Variants in CISH observed in about 807,000 individuals in gnomAD.
CISH encodes cytokine-inducible SH2-containing protein.
CISH carries 11 observed loss-of-function variants against 21.3 expected under a neutral mutation model. The ratio of observed to expected loss-of-function variants is 0.52; its 90% CI spans 0.32 to 0.85. The LOEUF (loss-of-function observed/expected upper bound fraction) is 0.85, where lower values mean the gene tolerates loss of function less well. Among genes scored for constraint, CISH ranks in the 40% least tolerant of loss-of-function variants. The pLI, the probability that CISH is intolerant of heterozygous loss-of-function variation, is 0.03. For missense variants in CISH, 280 were observed against 351.7 expected (o/e 0.80, Z 1.63); for synonymous variants, 118 against 142.3 (o/e 0.83, Z 1.22).
At chr3:50,608,204 T>G (rs621975) in intron 2 of CISH, 62 bp from the exon 3 acceptor site, 1,542,490 of 1,555,924 alleles carry the variant, frequency 0.99, 765,499 homozygotes, top group East Asian at 1. Context: ...ACCAATCCAG[T>G]GCAAGTCAAG....
intron 1 of CISH, 97 bp downstream of exon 1, chr3:50,611,534 C>G: frequency 4.0e-6 from 6 of 1,515,146 alleles, no homozygotes; most frequent in Non-Finnish European, 5.3e-6. Context: ...ACCTCTGGCC[C>G]GTCAAGCCCT....
At position 50,607,107 on chromosome 3, in the gene CISH, A is replaced by C. The variant is rs2032173465; in HGVS notation, c.*500T>G. ...GACACCAACCCCAAGGAGAATAAAT[A>C]AATAAATAGTGTATAATTGTGCAGT... is the stretch of plus-strand genomic sequence containing the variant. On this transcript the variant is annotated 3_prime_UTR_variant, in exon 3 of 3. Coordinates refer to ENST00000348721, the MANE Select transcript of CISH (RefSeq NM_145071.4). 1 of 155,934 alleles carries C rather than the reference A, an allele frequency of 6.4e-6. No individual in the cohort carries two copies. The highest frequency in any genetic ancestry group is 1.4e-5 in the Non-Finnish European group (1 of 70,220). The allele number at this position is 155,934 out of a possible 1,614,324, so 9.7% of individuals were successfully genotyped here.
intron 1 of CISH, chr3:50,610,563 C>A: frequency 1.3e-6 from 2 of 1,506,886 alleles, no homozygotes; most frequent in Non-Finnish European, 8.9e-7. Context: ...TATGGGACCC[C>A]GGAATGCAGG....
At chr3:50,610,074 C>T (rs567503730) in intron 1 of CISH, 2 of 436,868 alleles carry the variant, frequency 4.6e-6, no homozygotes, top group East Asian at 4.1e-5. Flanking sequence ...TGGCACACCA[C>T]AGCCTGACAA....
At chr3:50,608,303 C>T in intron 2 of CISH, 70 bp downstream of exon 2, 1 of 1,494,144 alleles carries the variant, frequency 6.7e-7, no homozygotes. Flanking sequence ...CCAAATCAGA[C>T]TCAAAGGCAG....
In CISH at chr3:50,608,357, C is replaced by T. The variant is rs746566483; in HGVS notation, c.241+16G>A. On this transcript the variant is annotated intron_variant, in intron 2 of 2. Transcript: ENST00000348721. ...AGACTACTCAGGAAAAGGCCTGCCT[C>T]CCCCCTCAGACTCACCAGATTCCCG... The T allele has an allele frequency of 8.9e-6, 14 of 1,578,380 alleles. No individual in the cohort carries two copies. Among genetic ancestry groups the T allele is most frequent in the Non-Finnish European group, 1.2e-5 (14 of 1,162,042 alleles).
chr3:50,607,846 G>T lies in CISH; in HGVS notation c.538C>A (p.Pro180Thr). 2 of 1,613,860 alleles carry T rather than the reference G, an allele frequency of 1.2e-6. No homozygotes were observed. The highest frequency in any genetic ancestry group is 1.7e-6 in the Non-Finnish European group (2 of 1,180,006). Residue 180 changes from proline (P) to threonine (T), a missense_variant, in exon 3 of 3, where the codon CCC (proline) becomes ACC (threonine). Physicochemically the swap from Pro to Thr is conservative, Grantham distance 38 (BLOSUM62 -1). Coordinates refer to ENST00000348721, the MANE Select transcript of CISH (RefSeq NM_145071.4). ...DTRSDSPDPA[P>T]TPALPMPKED... ...TTAGGCATAGGCAGGGCCGGGGTGGGAGCAGGATCGGGGCTGTCGCTTCGG... is the reference window on the plus strand; with the variant it reads ...TTAGGCATAGGCAGGGCCGGGGTGGTAGCAGGATCGGGGCTGTCGCTTCGG...
Position 50,608,366 on chromosome 3 carries a change from G to C in CISH, c.241+7C>G. 6.3e-7 allele frequency: 1 copy of C among 1,593,520 alleles called. No homozygotes were observed. Among genetic ancestry groups the C allele is most frequent in the Non-Finnish European group, 8.5e-7 (1 of 1,169,756 alleles). On this transcript the variant is annotated splice_region_variant and intron_variant, in intron 2 of 2. Transcript: ENST00000348721. Reference sequence around the variant, plus strand: ...AGGAAAAGGCCTGCCTCCCCCCTCAGACTCACCAGATTCCCGAAGGTAGGA... The same window carrying C: ...AGGAAAAGGCCTGCCTCCCCCCTCACACTCACCAGATTCCCGAAGGTAGGA...
rs622502 is a variant in CISH, at chr3:50,608,362, C to A, written c.241+11G>T. ...ACTCAGGAAAAGGCCTGCCTCCCCC[C>A]TCAGACTCACCAGATTCCCGAAGGT... On this transcript the variant is annotated intron_variant, in intron 2 of 2. Coordinates refer to ENST00000348721, the MANE Select transcript of CISH (RefSeq NM_145071.4). 4.5e-4 allele frequency: 719 copies of A among 1,587,224 alleles called. 9 individuals carry two copies. The East Asian group carries it at 0.015, about 34-fold the overall frequency.
At chr3:50,611,523 C>CCT (rs2032325429) in intron 1 of CISH, 108 bp downstream of exon 1, 2 of 1,503,118 alleles carry the variant, frequency 1.3e-6, no homozygotes, top group Non-Finnish European at 1.8e-6. Context: ...TGCGCTCAGT[C>CCT]ACCTCTGGCC....
Position 50,611,738 on chromosome 3 carries a change from G to A in CISH, c.-88C>T. 1 of 1,400,176 alleles carries A rather than the reference G, an allele frequency of 7.1e-7. No homozygotes were observed. Among genetic ancestry groups the A allele is most frequent in the South Asian group, 1.6e-5 (1 of 63,744 alleles). 86.7% of individuals were successfully genotyped at this position (1,400,176 alleles called of 1,614,324 possible). ...CCAGTGGGCGCGGAGCGCGTGCTGG[G>A]TAGGCTCCCGGGGCGCGCGGGCGCA... is the stretch of plus-strand genomic sequence containing the variant. On this transcript the variant is annotated 5_prime_UTR_variant, in exon 1 of 3. Transcript: ENST00000348721.
Position 50,607,794 on chromosome 3 carries a change from A to G in CISH, c.590T>C (p.Leu197Pro), listed in dbSNP as rs141201807. 6.2e-6 allele frequency: 10 copies of G among 1,613,750 alleles called. No individual in the cohort carries two copies. In the African/African-American group the frequency reaches 1.2e-4, roughly 19 times the overall value. The change falls in exon 3 of 3, where the codon CTG becomes CCG. Residue 197 changes from leucine (L) to proline (P), a missense_variant. Physicochemically the swap from Leu to Pro is moderately conservative, Grantham distance 98. Transcript: ENST00000348721. ...AGCAGTGGCTGGTGGAGGAGCAGGCAGTGCTGGGTCACTAGGCGCATCCTC... is the reference window on the plus strand; with the variant it reads ...AGCAGTGGCTGGTGGAGGAGCAGGCGGTGCTGGGTCACTAGGCGCATCCTC... ...PKEDAPSDPA[L>P]PAPPPATAVH...
At chr3:50,611,557 C>G (rs947910510) in intron 1 of CISH, 74 bp downstream of exon 1, 4 of 1,523,184 alleles carry the variant, frequency 2.6e-6, no homozygotes, top group Non-Finnish European at 3.5e-6. Context: ...CAATGCCCGG[C>G]AGCTAGCACG....
Position 50,608,368 on chromosome 3 carries a change from C to A in CISH, c.241+5G>T. ...GAAAAGGCCTGCCTCCCCCCTCAGA[C>A]TCACCAGATTCCCGAAGGTAGGAGA... is the stretch of plus-strand genomic sequence containing the variant. On this transcript the variant is annotated splice_donor_5th_base_variant and intron_variant, in intron 2 of 2. Coordinates refer to ENST00000348721, the MANE Select transcript of CISH (RefSeq NM_145071.4). 6.3e-7 allele frequency: 1 copy of A among 1,594,158 alleles called. No individual in the cohort carries two copies. Among genetic ancestry groups the A allele is most frequent in the Non-Finnish European group, 8.5e-7 (1 of 1,170,200 alleles).
At chr3:50,610,463 CGCA>C in intron 1 of CISH, 1 of 1,551,408 alleles carries the variant, frequency 6.4e-7, no homozygotes, top group Non-Finnish European at 8.7e-7. Flanking sequence ...CGCTTTGGAG[CGCA>C]GCAGTCTAAA....
intron 1 of CISH, chr3:50,611,376 GAGCCCACCCTGTGAGTTCCTCCTTT>G (rs1362990114): frequency 7.4e-7 from 1 of 1,354,028 alleles, no homozygotes; most frequent in Non-Finnish European, 9.4e-7. Context: ...AACCCAGGCT[GAGCCCACCCTGTGAGTTCCTCCTTT>G]AGCCGGCCAG....
In CISH at chr3:50,608,446, A is replaced by C. The variant is rs2032225154; in HGVS notation, c.168T>G (p.Ser56Arg). ...CCTCTGGGTCCAGCACCTTTGGCTC[A>C]CTCTCTGTCTGGGCTGGGGTACCCT... Reference protein sequence around the residue: ...VAEGTPAQTESEPKVLDPEED... With the variant: ...VAEGTPAQTEREPKVLDPEED... Residue 56 changes from serine to arginine, a missense_variant, in exon 2 of 3, where the codon AGT becomes AGG. Transcript: ENST00000348721. 1.2e-6 allele frequency: 2 copies of C among 1,613,490 alleles called. No individual in the cohort carries two copies. The highest frequency in any genetic ancestry group is 1.3e-5 in the African/African-American group (1 of 74,998).
intron 1 of CISH, chr3:50,609,687 C>T (rs1368812984): frequency 6.6e-6 from 1 of 152,278 alleles, no homozygotes; most frequent in Non-Finnish European, 1.5e-5. Flanking sequence ...TGGGTCTAGT[C>T]CCTGGCTGGG....
In CISH at chr3:50,608,449, C is replaced by G. The variant is rs1199440919; in HGVS notation, c.165G>C (p.Glu55Asp). The G allele has an allele frequency of 1.2e-6, 2 of 1,613,826 alleles. No individual in the cohort carries two copies. The highest frequency in any genetic ancestry group is 1.7e-6 in the Non-Finnish European group (2 of 1,179,864). Residue 55 changes from glutamate to aspartate, a missense_variant, in exon 2 of 3, where the codon GAG becomes GAC. Coordinates refer to ENST00000348721, the MANE Select transcript of CISH (RefSeq NM_145071.4). The part of the protein sequence containing the change: ...EVAEGTPAQT[E>D]SEPKVLDPEE... ...CTGGGTCCAGCACCTTTGGCTCACTCTCTGTCTGGGCTGGGGTACCCTCTG... is the reference window on the plus strand; with the variant it reads ...CTGGGTCCAGCACCTTTGGCTCACTGTCTGTCTGGGCTGGGGTACCCTCTG...
Sources: gnomAD v4.1 joint callset for allele counts on GRCh38, gnomAD v4.1.1 for gene constraint, MANE v1.5 for transcripts, NCBI Gene and HGNC (gene_info 2026-07-23, HGNC 2026-07-21) for gene names.